Variants in NSD1 observed in about 807,000 individuals in gnomAD.
NSD1 encodes the protein histone-lysine N-methyltransferase, H3 lysine-36 specific.
NSD1 carries 26 observed loss-of-function variants against 242.7 expected under a neutral mutation model. That is an observed-to-expected ratio of 0.11 (90% CI 0.08 to 0.15). The LOEUF is 0.15. Among genes scored for constraint, NSD1 ranks in the 10% least tolerant of loss-of-function variants. NSD1 has a pLI of 1.00. For missense variants in NSD1, 2,495 were observed against 3,272.8 expected, an observed-to-expected ratio of 0.76 and a Z score of 5.80; for synonymous variants, 1,106 against 1,178.1, an observed-to-expected ratio of 0.94 and a Z score of 1.25.
rs1395389521 is a variant in NSD1 at position 177,185,732 on chromosome 5, T to C, written c.928-6152T>C. ...TATACATTATATATTATATATTATA[T>C]ATATTTTATATATTATATATAATAT... On this transcript the variant is annotated intron_variant, in intron 2 of 22. Transcript: ENST00000439151. 5.6e-5 allele frequency among the ~76,000 whole-genome samples: 6 copies of C among 106,286 alleles called. No individual in the cohort carries two copies. In the East Asian group the frequency reaches 1.6e-3, roughly 28 times the overall value. 69.7% of individuals were successfully genotyped at this position (106,286 alleles called of 152,430 possible).
chr5:177,156,273 T>C (rs1758131555), intron 2 of NSD1, among the ~76,000 whole-genome samples: 1 of 143,754 alleles, frequency 7.0e-6, no homozygotes. Context: ...CTCTGCCTCC[T>C]GGGTTGAAGT....
At chr5:177,172,751 G>A (rs1477447120) in intron 2 of NSD1, among the ~76,000 whole-genome samples, 1 of 151,948 alleles carries the variant, frequency 6.6e-6, no homozygotes, top group Non-Finnish European at 1.5e-5. Flanking sequence ...TTGGGCCCAG[G>A]ACTTGGAGAC....
intron 9 of NSD1, among the ~76,000 whole-genome samples, chr5:177,245,237 A>AAAT (rs1766184503): frequency 6.6e-6 from 1 of 152,236 alleles, no homozygotes; most frequent in Non-Finnish European, 1.5e-5. Context: ...ATGTCTCTTA[A>AAAT]AATAATAGTA....
chr5:177,211,303 G>A lies in NSD1; in HGVS notation c.2904G>A (p.Lys968=), dbSNP rs1763316816. ...SGGSTHNSEK[K]GDGTQNSANP... ...GCTCCACACACAATTCAGAGAAAAA[G>A]GGAGATGGCACTCAGAACTCCGCCA... The change falls in exon 5 of 23, where the codon AAG becomes AAA. Residue 968 remains lysine (K), a synonymous_variant. Coordinates refer to ENST00000439151, the MANE Select transcript of NSD1 (RefSeq NM_022455.5). The A allele has an allele frequency of 1.2e-6, 2 of 1,614,138 alleles. No individual in the cohort carries two copies. Among genetic ancestry groups the A allele is most frequent in the Middle Eastern group, 1.6e-4 (1 of 6,062 alleles).
intron 8 of NSD1, among the ~76,000 whole-genome samples, chr5:177,243,506 G>A (rs1766047911): frequency 6.6e-6 from 1 of 152,150 alleles, no homozygotes; most frequent in African/African-American, 2.4e-5. Flanking sequence ...CCATGAAGAT[G>A]GATTTTAAGT....
intron 2 of NSD1, among the ~76,000 whole-genome samples, chr5:177,174,432 C>T (rs1487812635): frequency 1.3e-5 from 2 of 150,956 alleles, no homozygotes; most frequent in Admixed American, 6.6e-5. Flanking sequence ...AGGCTGGTCT[C>T]GAACTCCCAA....
At chr5:177,234,807 T>C (rs13159114) in intron 5 of NSD1, among the ~76,000 whole-genome samples, 135,650 of 152,254 alleles carry the variant, frequency 0.89, 61,150 homozygotes, top group African/African-American at 0.98. Context: ...TTTAAAAAGC[T>C]ATCCCACAGA....
chr5:177,188,996 T>C (rs1367637537), intron 2 of NSD1, among the ~76,000 whole-genome samples: 1 of 152,030 alleles, frequency 6.6e-6, no homozygotes, highest in Non-Finnish European at 1.5e-5. Flanking sequence ...TGAGTGAAGA[T>C]TGCACCATTG....
chr5:177,158,894 T>A (rs1267406718), intron 2 of NSD1, among the ~76,000 whole-genome samples: 1 of 149,194 alleles, frequency 6.7e-6, no homozygotes, highest in Non-Finnish European at 1.5e-5. Flanking sequence ...AGATCTTTAA[T>A]ACCTTTGGAA....
intron 2 of NSD1, among the ~76,000 whole-genome samples, chr5:177,160,738 G>A (rs1449780866): frequency 1.3e-5 from 2 of 151,572 alleles, no homozygotes; most frequent in Non-Finnish European, 2.9e-5. Flanking sequence ...TTGTTTTTTT[G>A]AGTTGCCTAC....
At chr5:177,237,461 T>C (rs892267107) in intron 6 of NSD1, among the ~76,000 whole-genome samples, 2 of 150,704 alleles carry the variant, frequency 1.3e-5, no homozygotes, top group African/African-American at 4.8e-5. Flanking sequence ...AGCTTCAGTG[T>C]ATCTCAGTCA....
At chr5:177,132,704 C>G (rs951322927), upstream of NSD1, among the ~76,000 whole-genome samples, 1 of 152,060 alleles carries the variant, frequency 6.6e-6, no homozygotes, top group Non-Finnish European at 1.5e-5. This position sits in a 1 kb window ranked among gnomAD's most constrained non-coding sequence, Gnocchi z 7.5. Flanking sequence ...TTCGTTCCCC[C>G]GCGGAGGCCA....
intron 4 of NSD1, among the ~76,000 whole-genome samples, chr5:177,208,640 G>A (rs959118316): frequency 1.3e-5 from 2 of 150,952 alleles, no homozygotes; most frequent in African/African-American, 4.9e-5. Context: ...TGATTCTCGT[G>A]TCTTAGCCTC....
At chr5:177,159,001 T>TATATATATATATATGAATGAG (rs1372450800) in intron 2 of NSD1, among the ~76,000 whole-genome samples, 7 of 22,106 alleles carry the variant, frequency 3.2e-4, no homozygotes, top group African/African-American at 7.5e-4. Flanking sequence ...AATGATTTTA[T>TATATATATATATATGAATGAG]ATATATATAT....
intron 12 of NSD1, among the ~76,000 whole-genome samples, chr5:177,254,958 T>C (rs1359421204): frequency 6.6e-6 from 1 of 152,164 alleles, no homozygotes; most frequent in African/African-American, 2.4e-5. Flanking sequence ...GAGTCACTTA[T>C]TAGTGCTCTT....
Position 177,181,426 on chromosome 5 carries a change from G to GTTT in NSD1, c.928-10458_928-10457insTTT, listed in dbSNP as rs1554183364. On this transcript the variant is annotated intron_variant, in intron 2 of 22. Transcript: ENST00000439151. ...GAAACTTCATTATGGGTTTTTTTTT[G>GTTT]GTTTTTTTTTTTTTTTTTTGGCAGG... Among the ~76,000 whole-genome samples the GTTT allele has an allele frequency of 1.1e-3, 132 of 119,742 alleles. 3 individuals are homozygous for GTTT. Among genetic ancestry groups the GTTT allele is most frequent in the South Asian group, 2.5e-3 (10 of 3,968 alleles). 78.6% of individuals were successfully genotyped at this position (119,742 alleles called of 152,430 possible). A position where few individuals can be genotyped will look rare whatever the true frequency, so the allele number is the denominator to read the frequency against.
Position 177,166,227 on chromosome 5 carries a change from C to G in NSD1, c.928-25657C>G, listed in dbSNP as rs558911070. 1.1e-3 allele frequency among the ~76,000 whole-genome samples: 160 copies of G among 152,058 alleles called. 1 individual carries two copies. Among genetic ancestry groups the G allele is most frequent in the African/African-American group, 3.7e-3 (152 of 41,526 alleles). ...CGCGCCTGGCCTCCCAGCCCACATT[C>G]TTGATAATTTTCTTTGCTTCTAAAA... is the stretch of plus-strand genomic sequence containing the variant. On this transcript the variant is annotated intron_variant, in intron 2 of 22. Coordinates refer to ENST00000439151, the MANE Select transcript of NSD1 (RefSeq NM_022455.5).
intron 14 of NSD1, chr5:177,265,299 G>C (rs1220524554): frequency 4.6e-6 from 3 of 657,970 alleles, no homozygotes; most frequent in Non-Finnish European, 8.1e-6. Context: ...GCAAAAGTCA[G>C]CATGGGAATA....
chr5:177,278,882 T>C (rs536961907), intron 17 of NSD1, among the ~76,000 whole-genome samples: 2 of 152,182 alleles, frequency 1.3e-5, no homozygotes, highest in Non-Finnish European at 2.9e-5. Context: ...TACTGGAACA[T>C]CTATTGTCTT....
Sources: allele counts gnomAD v4.1 joint callset (sites outside exome capture counted in the v4.1 genomes callset), GRCh38; gene constraint gnomAD v4.1.1; non-coding constraint Gnocchi (gnomAD v3.1); transcripts MANE v1.5; gene names NCBI Gene and HGNC (gene_info 2026-07-23, HGNC 2026-07-21).